OXR1: variants seen among roughly 807,000 people sequenced by gnomAD.
The protein encoded by OXR1 is oxidation resistance 1.
Under a neutral mutation model 104.6 loss-of-function variants are expected in OXR1, and 41 were observed. That is an observed-to-expected ratio of 0.39 (90% CI 0.31 to 0.51). The LOEUF is 0.51. OXR1 is among the 20% of genes least tolerant of loss of function. The pLI, the probability that OXR1 is intolerant of heterozygous loss-of-function variation, is 0.77. For synonymous variants in OXR1, 348 were observed against 348.4 expected, an observed-to-expected ratio of 1.00 and a Z score of 0.01; for missense variants, 955 against 1,031.9, an observed-to-expected ratio of 0.93 and a Z score of 1.02.
intron 3 of OXR1, among the ~76,000 whole-genome samples, chr8:106,559,708 G>A (rs955861311): frequency 2.0e-5 from 3 of 152,116 alleles, no homozygotes; most frequent in African/African-American, 7.2e-5. Context: ...CCTTTTTGCT[G>A]TATCCTCACA....
intron 3 of OXR1, among the ~76,000 whole-genome samples, chr8:106,610,270 C>T (rs981428682): frequency 6.6e-6 from 1 of 152,260 alleles, no homozygotes; most frequent in African/African-American, 2.4e-5. Flanking sequence ...CCACTTCTGT[C>T]AATCACTGCT....
chr8:106,573,313 G>C (rs1817603776), intron 3 of OXR1, among the ~76,000 whole-genome samples: 1 of 149,898 alleles, frequency 6.7e-6, no homozygotes. Flanking sequence ...CCATGGCTCA[G>C]TCAAGTTGAC....
chr8:106,704,473 C>T (rs1309402760), intron 8 of OXR1, among the ~76,000 whole-genome samples: 1 of 125,634 alleles, frequency 8.0e-6, no homozygotes, highest in Non-Finnish European at 1.6e-5. Flanking sequence ...ATAGCACGAT[C>T]TGCAACATCC....
chr8:106,426,590 A>G (rs1017944070), intron 2 of OXR1, among the ~76,000 whole-genome samples: 2 of 152,180 alleles, frequency 1.3e-5, no homozygotes, highest in Non-Finnish European at 2.9e-5. Context: ...TTAAAAGTAT[A>G]TAGTGATTAA....
intron 2 of OXR1, among the ~76,000 whole-genome samples, chr8:106,388,438 T>C (rs1337105121): frequency 6.6e-6 from 1 of 151,904 alleles, no homozygotes; most frequent in Non-Finnish European, 1.5e-5. Context: ...TTTTTTTTTT[T>C]CTGAGACAGT....
At chr8:106,636,450 G>A (rs1015466328) in intron 3 of OXR1, among the ~76,000 whole-genome samples, 3 of 151,948 alleles carry the variant, frequency 2.0e-5, no homozygotes, top group Non-Finnish European at 2.9e-5. Flanking sequence ...CCTTCCTATA[G>A]AAACCCGAGA....
chr8:106,533,712 C>CTT (rs34122715), intron 3 of OXR1, among the ~76,000 whole-genome samples: 34 of 132,442 alleles, frequency 2.6e-4, no homozygotes, highest in Non-Finnish European at 4.4e-4. Context: ...GTTGAGTTTA[C>CTT]TTTTTTTTTT....
At chr8:106,572,845 C>T (rs1034605180) in intron 3 of OXR1, among the ~76,000 whole-genome samples, 5 of 152,136 alleles carry the variant, frequency 3.3e-5, no homozygotes, top group African/African-American at 1.2e-4. Context: ...ACAGCAGCCC[C>T]TTCTTATTAG....
chr8:106,374,297 A>G (rs1816825304), intron 2 of OXR1, among the ~76,000 whole-genome samples: 1 of 152,166 alleles, frequency 6.6e-6, no homozygotes, highest in Admixed American at 6.5e-5. Context: ...CTTTATAGTC[A>G]TATTTAACAT....
intron 11 of OXR1, among the ~76,000 whole-genome samples, chr8:106,717,118 G>A (rs561726663): frequency 1.3e-5 from 2 of 151,960 alleles, no homozygotes; most frequent in East Asian, 1.9e-4. Context: ...CCTGGGAGGC[G>A]GAGATTGCAG....
At chr8:106,737,622 AC>A in intron 12 of OXR1, 22 bp downstream of exon 12, 1 of 1,095,438 alleles carries the variant, frequency 9.1e-7, no homozygotes, top group Non-Finnish European at 1.2e-6. Flanking sequence ...AGTAGTTTAA[AC>A]CCCTCCAGAG....
intron 3 of OXR1, among the ~76,000 whole-genome samples, chr8:106,653,083 AAT>A (rs71307081): frequency 0.014 from 1,893 of 137,130 alleles, 22 homozygotes; most frequent in Admixed American, 0.042. Flanking sequence ...AAAAAAAAAA[AAT>A]ATATATATAT....
intron 1 of OXR1, among the ~76,000 whole-genome samples, chr8:106,320,621 T>A (rs982419845): frequency 6.6e-6 from 1 of 152,114 alleles, no homozygotes; most frequent in South Asian, 2.1e-4. Flanking sequence ...CCTGTGTTTT[T>A]AATTCTTATT....
chr8:106,317,106 A>G (rs897497835), intron 1 of OXR1, among the ~76,000 whole-genome samples: 7 of 152,172 alleles, frequency 4.6e-5, no homozygotes, highest in African/African-American at 1.7e-4. Context: ...TCAAGCCTCA[A>G]TTCTACAGCA....
intron 3 of OXR1, among the ~76,000 whole-genome samples, chr8:106,554,654 A>C (rs1212972532): frequency 2.0e-5 from 3 of 152,156 alleles, no homozygotes; most frequent in Non-Finnish European, 2.9e-5. Flanking sequence ...TTTAAATAGA[A>C]ACTTAAGCAT....
chr8:106,694,824 CATTTATATATATAAT>C (rs1829765038), intron 7 of OXR1, among the ~76,000 whole-genome samples: 1 of 112,094 alleles, frequency 8.9e-6, no homozygotes, highest in African/African-American at 3.6e-5. Context: ...TAGATAAATA[CATTTATATATATAAT>C]ATATATATTT....
At chr8:106,729,210 A>G (rs890380982) in intron 11 of OXR1, among the ~76,000 whole-genome samples, 1 of 152,128 alleles carries the variant, frequency 6.6e-6, no homozygotes, top group Non-Finnish European at 1.5e-5. Context: ...TACAAGTGAA[A>G]AAACAGGGAC....
intron 4 of OXR1, among the ~76,000 whole-genome samples, chr8:106,681,242 A>G (rs1050432926): frequency 6.6e-6 from 1 of 152,160 alleles, no homozygotes; most frequent in African/African-American, 2.4e-5. Context: ...TTTTACTGCA[A>G]AATATCATTT....
intron 3 of OXR1, among the ~76,000 whole-genome samples, chr8:106,631,379 AT>A: frequency 6.6e-6 from 1 of 152,338 alleles, no homozygotes; most frequent in Non-Finnish European, 1.5e-5. Flanking sequence ...TTAAGTGAGG[AT>A]GTTAACCTGT....
Sources: gnomAD v4.1 joint callset for allele counts (sites outside exome capture counted in the v4.1 genomes callset) on GRCh38, gnomAD v4.1.1 for gene constraint, MANE v1.5 for transcripts, NCBI Gene and HGNC (gene_info 2026-07-23, HGNC 2026-07-21) for gene names.